ATXN7: variants seen among roughly 807,000 people sequenced by gnomAD.
The protein encoded by ATXN7 is ataxin 7.
In ATXN7, 12 loss-of-function variants were observed where a neutral mutation model predicts 70.5. The observed-to-expected ratio is 0.17, with a 90% confidence interval of 0.11 to 0.28. ATXN7 has a LOEUF of 0.28. ATXN7 is among the 10% of genes least tolerant of loss of function. The pLI is 1.00. For missense variants in ATXN7, 1,256 were observed against 1,131.7 expected, an observed-to-expected ratio of 1.11 and a Z score of -1.58; for synonymous variants, 498 against 448.7, an observed-to-expected ratio of 1.11 and a Z score of -1.39.
intron 11 of ATXN7, among the ~76,000 whole-genome samples, chr3:63,994,867 C>T (rs1324485407): frequency 1.3e-5 from 2 of 152,178 alleles, no homozygotes; most frequent in Non-Finnish European, 2.9e-5. Flanking sequence ...TTCCGCATCC[C>T]CTAATAAATA....
chr3:63,892,593 A>G (rs1021022883), intron 1 of ATXN7, among the ~76,000 whole-genome samples: 1 of 152,058 alleles, frequency 6.6e-6, no homozygotes, highest in Non-Finnish European at 1.5e-5. Context: ...ATTGATGTCT[A>G]TAGGTGAGTT....
At chr3:63,940,967 C>A (rs781248882) in intron 4 of ATXN7, among the ~76,000 whole-genome samples, 4 of 152,120 alleles carry the variant, frequency 2.6e-5, no homozygotes, top group Non-Finnish European at 5.9e-5. Flanking sequence ...CTTAAGGAAC[C>A]CGTGAGACAA....
At chr3:63,899,481 A>C (rs1703548642) in intron 2 of ATXN7, among the ~76,000 whole-genome samples, 1 of 152,120 alleles carries the variant, frequency 6.6e-6, no homozygotes, top group Non-Finnish European at 1.5e-5. Context: ...GATTTAAAAA[A>C]ACAAAAAGGG....
chr3:63,930,766 A>G (rs1326729654), intron 4 of ATXN7, among the ~76,000 whole-genome samples: 2 of 151,956 alleles, frequency 1.3e-5, no homozygotes, highest in Non-Finnish European at 2.9e-5. Flanking sequence ...TCCTGACCTC[A>G]TGATCCGCCC....
chr3:63,953,760 C>A (rs762901351), intron 5 of ATXN7, among the ~76,000 whole-genome samples: 1 of 151,860 alleles, frequency 6.6e-6, no homozygotes, highest in Non-Finnish European at 1.5e-5. Flanking sequence ...AAGCAATTCC[C>A]TTGCTTCAGT....
intron 1 of ATXN7, 115 bp from the exon 2 acceptor site, chr3:63,898,284 G>A (rs1360937944): frequency 6.6e-6 from 1 of 151,336 alleles, no homozygotes; most frequent in Admixed American, 6.6e-5. Context: ...TTAACAGTTT[G>A]ACATCTCAAA....
At chr3:63,988,533 G>A in intron 9 of ATXN7, 2 of 617,544 alleles carry the variant, frequency 3.2e-6, no homozygotes, top group Non-Finnish European at 2.7e-6. Flanking sequence ...AATGCAAGCA[G>A]CAAAATAAAG....
chr3:63,880,092 G>T (rs1171627513), intron 1 of ATXN7, among the ~76,000 whole-genome samples: 1 of 151,552 alleles, frequency 6.6e-6, no homozygotes, highest in South Asian at 2.1e-4. Context: ...TATCAAAAAA[G>T]AAAAAAAGAA....
rs537126743 is a variant in ATXN7, at chr3:63,985,703, ACTT to A, written c.1096-2351_1096-2349del. On this transcript the variant is annotated intron_variant, in intron 8 of 12. Coordinates refer to ENST00000674280, the MANE Select transcript of ATXN7 (RefSeq NM_001377405.1). ...TCTCCCATCCTCACTGCCCCTCCTCACTTCTTCATCTGTCTAATATCCCGTCGA... is the reference window on the plus strand; with the variant it reads ...TCTCCCATCCTCACTGCCCCTCCTCACTTCATCTGTCTAATATCCCGTCGA... 2.4e-3 allele frequency among the ~76,000 whole-genome samples: 368 copies of A among 151,738 alleles called. 2 individuals carry two copies. The highest frequency in any genetic ancestry group is 8.7e-3 in the African/African-American group (358 of 41,328).
At chr3:63,934,280 T>G (rs2074616885) in intron 4 of ATXN7, among the ~76,000 whole-genome samples, 2 of 152,114 alleles carry the variant, frequency 1.3e-5, no homozygotes, top group Admixed American at 6.6e-5. Flanking sequence ...TCTGGCCTCT[T>G]TGGCGCACAG....
intron 4 of ATXN7, among the ~76,000 whole-genome samples, chr3:63,930,039 G>A (rs987060757): frequency 2.0e-5 from 3 of 152,220 alleles, no homozygotes; most frequent in African/African-American, 7.2e-5. Flanking sequence ...TCTTTGGCAG[G>A]AATCTAGGGT....
Position 63,990,791 on chromosome 3 carries a change from C to T in ATXN7, c.1614C>T (p.Ser538=). The T allele has an allele frequency of 6.2e-7, 1 of 1,614,130 alleles. No homozygotes were observed. Among genetic ancestry groups the T allele is most frequent in the Non-Finnish European group, 8.5e-7 (1 of 1,180,020 alleles). Residue 538 remains serine, a synonymous_variant, in exon 11 of 13, where the codon TCC becomes TCT. Transcript: ENST00000674280. The part of the protein sequence containing the change: ...QIGRGYYVFD[S]RWNRLRCALN... ...GAAGAGGCTATTACGTGTTTGACTC[C>T]AGGTGGAATCGACTTCGCTGCGCCC...
chr3:63,939,242 C>T (rs2074714621), intron 4 of ATXN7, among the ~76,000 whole-genome samples: 2 of 152,160 alleles, frequency 1.3e-5, no homozygotes, highest in African/African-American at 4.8e-5. Context: ...AGATGGGAAG[C>T]ATGGCATCCT....
chr3:63,863,960 CCGCCGCCGCCGCCGCCG>C lies in ATXN7; in HGVS notation c.-306_-290del, dbSNP rs770789690. 0.29 allele frequency: 39,641 copies of C among 134,622 alleles called. 6,446 individuals are homozygous for C. The highest frequency in any genetic ancestry group is 0.46 in the East Asian group (1,892 of 4,144). 8.3% of individuals were successfully genotyped at this position (134,622 alleles called of 1,614,324 possible). On this transcript the variant is annotated 5_prime_UTR_variant, in exon 1 of 13. It introduces an in-frame stop codon into an upstream open reading frame of the 5' UTR. Transcript: ENST00000674280. ...TGAGCCGCGCCGCGCCGCGCCGCCGCCGCCGCCGCCGCCGCCGCGGGACCCGCGCTCCCCGCGCTCCC... is the reference window on the plus strand; with the variant it reads ...TGAGCCGCGCCGCGCCGCGCCGCCGCCGGGACCCGCGCTCCCCGCGCTCCC...
chr3:63,916,393 C>A (rs1036344736), intron 4 of ATXN7, among the ~76,000 whole-genome samples: 2 of 152,184 alleles, frequency 1.3e-5, no homozygotes, highest in African/African-American at 4.8e-5. Flanking sequence ...GTGTTCACAG[C>A]TTCCCTTGGA....
At chr3:63,981,151 T>A (rs72876980) in intron 6 of ATXN7, among the ~76,000 whole-genome samples, 5,833 of 152,258 alleles carry the variant, frequency 0.038, 188 homozygotes, top group African/African-American at 0.087. Context: ...TGCTGCTGCA[T>A]AAGGACCTTG....
intron 2 of ATXN7, among the ~76,000 whole-genome samples, chr3:63,906,374 G>T (rs1273448319): frequency 2.6e-5 from 4 of 152,172 alleles, no homozygotes; most frequent in Non-Finnish European, 4.4e-5. Flanking sequence ...TAACACACCT[G>T]CATTGTTCGT....
At chr3:63,931,705 T>C (rs1704971024) in intron 4 of ATXN7, among the ~76,000 whole-genome samples, 1 of 152,194 alleles carries the variant, frequency 6.6e-6, no homozygotes, top group African/African-American at 2.4e-5. Flanking sequence ...TCTCCACCCA[T>C]ACCCTCTTTA....
At chr3:63,925,842 T>C (rs1704695539) in intron 4 of ATXN7, among the ~76,000 whole-genome samples, 1 of 152,118 alleles carries the variant, frequency 6.6e-6, no homozygotes, top group Admixed American at 6.5e-5. Context: ...GGAAGCAGCT[T>C]GTGAGGCTGG....
Sources: allele counts gnomAD v4.1 joint callset (sites outside exome capture counted in the v4.1 genomes callset), GRCh38; gene constraint gnomAD v4.1.1; transcripts MANE v1.5; gene names NCBI Gene and HGNC (gene_info 2026-07-23, HGNC 2026-07-21).